DPYD: variants seen among roughly 807,000 people sequenced by gnomAD.
The protein encoded by DPYD is dihydropyrimidine dehydrogenase [NADP(+)].
In DPYD, 109 loss-of-function variants were observed where a neutral mutation model predicts 116.2. The observed-to-expected ratio is 0.94, with a 90% CI of 0.80 to 1.10. The LOEUF (loss-of-function observed/expected upper bound fraction) is 1.10. Ranked by LOEUF, DPYD falls within the 50% of genes least tolerant of loss-of-function variation. DPYD has a pLI of 0.00. For missense variants in DPYD, 1,302 were observed against 1,254.5 expected (o/e 1.04, Z -0.57); for synonymous variants, 440 against 432.0 (o/e 1.02, Z -0.23).
At chr1:97,422,340 C>T (rs1674631003) in intron 14 of DPYD, among the ~76,000 whole-genome samples, 1 of 151,986 alleles carries the variant, frequency 6.6e-6, no homozygotes, top group Non-Finnish European at 1.5e-5. Context: ...AACAAGGGAC[C>T]ATGGAAATGA....
rs1004710923 is a variant in DPYD, at chr1:97,575,911, CT to C, written c.1129-1942del. Among the ~76,000 whole-genome samples, 658 of 151,604 alleles carry C rather than the reference CT, an allele frequency of 4.3e-3. 6 individuals are homozygous for C. Among genetic ancestry groups the C allele is most frequent in the African/African-American group, 0.014 (599 of 41,336 alleles). On this transcript the variant is annotated intron_variant, in intron 10 of 22. Transcript: ENST00000370192. ...TCATAGTTGCTATTTTCTGAATTCA[CT>C]TTTTTTTTCTCTGAATCATTCTTCA... is the stretch of plus-strand genomic sequence containing the variant.
At chr1:97,670,524 G>T (rs1659805119) in intron 8 of DPYD, among the ~76,000 whole-genome samples, 1 of 152,110 alleles carries the variant, frequency 6.6e-6, no homozygotes, top group African/African-American at 2.4e-5. Context: ...CCAGGAAGAG[G>T]GCCTTCACCA....
intron 18 of DPYD, among the ~76,000 whole-genome samples, chr1:97,267,758 C>A (rs973437441): frequency 3.3e-5 from 5 of 152,128 alleles, no homozygotes; most frequent in African/African-American, 9.7e-5. Flanking sequence ...AAGCTTCCAA[C>A]AAATGCTTTT....
chr1:97,311,805 GCAA>G (rs1276086094), intron 16 of DPYD, among the ~76,000 whole-genome samples: 2 of 151,762 alleles, frequency 1.3e-5, no homozygotes, highest in Admixed American at 6.6e-5. Context: ...ATAAGGCTTA[GCAA>G]AAGAAACCAG....
intron 13 of DPYD, among the ~76,000 whole-genome samples, chr1:97,497,706 CTG>C (rs1464521917): frequency 6.6e-6 from 1 of 151,714 alleles, no homozygotes; most frequent in East Asian, 1.9e-4. Flanking sequence ...TGTGAAGAAA[CTG>C]GAAATATCAT....
intron 2 of DPYD, among the ~76,000 whole-genome samples, chr1:97,874,440 G>A (rs957262461): frequency 4.0e-5 from 6 of 151,758 alleles, no homozygotes; most frequent in Admixed American, 3.3e-4. Flanking sequence ...GCAGAACTAG[G>A]TGCATACAGG....
intron 15 of DPYD, among the ~76,000 whole-genome samples, chr1:97,376,887 G>GTGTGTGTGTGTATATATATATATATA: frequency 2.4e-4 from 31 of 128,448 alleles, no homozygotes; most frequent in African/African-American, 7.1e-4. Flanking sequence ...GTGTGTGTGT[G>GTGTGTGTGTGTATATATATATATATA]TATATATATA....
At chr1:97,292,348 A>T (rs1666249103) in intron 18 of DPYD, among the ~76,000 whole-genome samples, 1 of 152,174 alleles carries the variant, frequency 6.6e-6, no homozygotes. Flanking sequence ...ACTTACAATC[A>T]TGTCAGAACG....
intron 13 of DPYD, among the ~76,000 whole-genome samples, chr1:97,504,824 G>A (rs1234259022): frequency 6.8e-6 from 1 of 147,802 alleles, no homozygotes; most frequent in Non-Finnish European, 1.5e-5. Flanking sequence ...CAGTCAGCAG[G>A]TTCCCTTTGC....
intron 14 of DPYD, among the ~76,000 whole-genome samples, chr1:97,433,896 TAC>T (rs1675317615): frequency 6.6e-6 from 1 of 152,180 alleles, no homozygotes; most frequent in Non-Finnish European, 1.5e-5. Context: ...TATTGATTGC[TAC>T]ACAGTTTCCA....
chr1:97,843,896 GA>G (rs997571553), intron 2 of DPYD, among the ~76,000 whole-genome samples: 4 of 152,016 alleles, frequency 2.6e-5, no homozygotes, highest in African/African-American at 4.8e-5. Context: ...TTTAAAATAT[GA>G]AAAAATATAC....
At chr1:97,717,268 A>C (rs1662666566) in intron 5 of DPYD, among the ~76,000 whole-genome samples, 1 of 152,104 alleles carries the variant, frequency 6.6e-6, no homozygotes, top group Admixed American at 6.6e-5. Flanking sequence ...GTCAAATGAG[A>C]GGTGATAGTT....
chr1:97,676,558 C>T lies in DPYD; in HGVS notation c.850+2537G>A, dbSNP rs142597579. On this transcript the variant is annotated intron_variant, in intron 8 of 22. Transcript: ENST00000370192. ...TTTCTGAAACTGCCCAAATGTATAT[C>T]CTAAATAATATGGAATTCCTATTCT... Among the ~76,000 whole-genome samples, 522 of 152,204 alleles carry T rather than the reference C, an allele frequency of 3.4e-3. 4 individuals are homozygous for T. Among genetic ancestry groups the T allele is most frequent in the African/African-American group, 0.012 (500 of 41,512 alleles).
At chr1:97,274,128 A>G (rs979108056) in intron 18 of DPYD, among the ~76,000 whole-genome samples, 5 of 152,216 alleles carry the variant, frequency 3.3e-5, no homozygotes, top group African/African-American at 1.2e-4. Flanking sequence ...AAAACGAGAA[A>G]ATAAATATGA....
intron 20 of DPYD, among the ~76,000 whole-genome samples, chr1:97,121,326 G>A (rs1285810144): frequency 6.6e-6 from 1 of 152,094 alleles, no homozygotes; most frequent in Non-Finnish European, 1.5e-5. Flanking sequence ...CCTGCCTCCT[G>A]CCACTCATTG....
At chr1:97,301,014 C>A (rs559662568) in intron 18 of DPYD, among the ~76,000 whole-genome samples, 2 of 152,100 alleles carry the variant, frequency 1.3e-5, no homozygotes, top group South Asian at 4.1e-4. Flanking sequence ...AATGAAAACA[C>A]CTTTAGGAAG....
intron 16 of DPYD, among the ~76,000 whole-genome samples, chr1:97,319,187 C>A (rs1668070852): frequency 6.9e-6 from 1 of 145,158 alleles, no homozygotes; most frequent in Non-Finnish European, 1.5e-5. Flanking sequence ...AAAGCAAGAG[C>A]AAACACATTC....
At chr1:97,663,247 A>G (rs1659370369) in intron 8 of DPYD, among the ~76,000 whole-genome samples, 1 of 152,176 alleles carries the variant, frequency 6.6e-6, no homozygotes, top group South Asian at 2.1e-4. Flanking sequence ...GTCACAAGGA[A>G]TCTCAAACGT....
rs1043368914 is a variant in DPYD, at chr1:97,441,544, A to G, written c.1905+8515T>C. Among the ~76,000 whole-genome samples, 28 of 152,070 alleles carry G rather than the reference A, an allele frequency of 1.8e-4. 1 individual carries two copies. Among genetic ancestry groups the G allele is most frequent in the Non-Finnish European group, 3.1e-4 (21 of 67,994 alleles). On this transcript the variant is annotated intron_variant, in intron 14 of 22. Coordinates refer to ENST00000370192, the MANE Select transcript of DPYD (RefSeq NM_000110.4). The stretch of plus-strand genomic sequence containing the variant: ...ATTCATTGTAGTTTTAATTTCTGGA[A>G]GTTTTATTTAGCTCTTTTATCTATC...
Sources: allele counts gnomAD v4.1 joint callset (sites outside exome capture counted in the v4.1 genomes callset), GRCh38; gene constraint gnomAD v4.1.1; transcripts MANE v1.5; gene names NCBI Gene and HGNC (gene_info 2026-07-23, HGNC 2026-07-21).